The following PAK3 variants were observed in gnomAD, a reference collection of about 807,000 sequenced individuals.
PAK3 encodes p21 (RAC1) activated kinase 3, also known as serine/threonine-protein kinase PAK 3.
PAK3 carries 4 observed loss-of-function variants against 41.0 expected under a neutral mutation model. The ratio of observed to expected loss-of-function variants is 0.10; its 90% CI spans 0.05 to 0.22. The LOEUF is 0.22. Ranked by LOEUF, PAK3 falls within the 10% of genes least tolerant of loss-of-function variation. The probability of loss-of-function intolerance (pLI) is 1.00; values close to 1 mark genes in which losing one functional copy is unlikely to be tolerated. For missense variants in PAK3, 205 were observed against 409.9 expected, an observed-to-expected ratio of 0.50 and a Z score of 4.32; for synonymous variants, 146 against 139.6, an observed-to-expected ratio of 1.05 and a Z score of -0.32.
chrX:111,037,289 T>C (rs1423344339), intron 1 of PAK3, among the ~76,000 whole-genome samples: 1 of 111,906 alleles, frequency 8.9e-6, no homozygotes, highest in African/African-American at 3.2e-5. Flanking sequence ...TCTTTATATA[T>C]GAAGGCCATC....
intron 10 of PAK3, among the ~76,000 whole-genome samples, chrX:111,172,777 GTTA>G (rs748046022): frequency 9.0e-6 from 1 of 110,634 alleles, no homozygotes; most frequent in South Asian, 3.8e-4. Context: ...AGCAAAATGG[GTTA>G]TTATTACTAC....
intron 1 of PAK3, among the ~76,000 whole-genome samples, chrX:110,947,265 C>G (rs191330167): frequency 8.9e-6 from 1 of 111,961 alleles, no homozygotes; most frequent in Non-Finnish European, 1.9e-5. Flanking sequence ...CTTCTTTCCT[C>G]GTCTGGACAA....
chrX:111,165,393 A>T (rs147325335), intron 10 of PAK3, among the ~76,000 whole-genome samples: 9,524 of 111,430 alleles, frequency 0.085, 730 homozygotes, highest in African/African-American at 0.25. Context: ...CTTGCAGCTG[A>T]TTCTAATATC....
intron 4 of PAK3, among the ~76,000 whole-genome samples, chrX:111,109,546 C>T (rs1219223159): frequency 8.9e-6 from 1 of 111,886 alleles, no homozygotes; most frequent in Non-Finnish European, 1.9e-5. Flanking sequence ...GAAATGTGTC[C>T]TGTTCATTTA....
rs750647788 is a variant in PAK3 at position 111,194,916 on chromosome X, C to T, written c.1110+498C>T. 8.9e-5 allele frequency among the ~76,000 whole-genome samples: 10 copies of T among 112,479 alleles called. No individual in the cohort carries two copies. The South Asian group carries it at 3.0e-3, about 33-fold the overall frequency. On this transcript the variant is annotated intron_variant, in intron 14 of 17. Coordinates refer to ENST00000372007, the MANE Select transcript of PAK3 (RefSeq NM_002578.5). ...ACTTCCCTTACAGCCCCCAAGTGGG[C>T]CTGACGGTCTGTCTCTTTTCCAGTA...
intron 1 of PAK3, among the ~76,000 whole-genome samples, chrX:111,058,209 G>T (rs1322728217): frequency 8.9e-6 from 1 of 111,769 alleles, no homozygotes; most frequent in Non-Finnish European, 1.9e-5. Flanking sequence ...GAGTGAAATT[G>T]TTCAGTCATA....
chrX:111,158,655 A>G, intron 8 of PAK3, among the ~76,000 whole-genome samples: 1 of 112,309 alleles, frequency 8.9e-6, no homozygotes. Context: ...ATGGCAGGAT[A>G]GTGTTTGGTC....
At chrX:111,166,049 G>C (rs1298103432) in intron 10 of PAK3, among the ~76,000 whole-genome samples, 2 of 110,486 alleles carry the variant, frequency 1.8e-5, no homozygotes, top group African/African-American at 6.6e-5. Flanking sequence ...GGCCACTTGT[G>C]ACTGCCAACC....
intron 1 of PAK3, among the ~76,000 whole-genome samples, chrX:111,046,425 A>G (rs2092499204): frequency 8.9e-6 from 1 of 111,738 alleles, no homozygotes; most frequent in Non-Finnish European, 1.9e-5. Context: ...ACCCCCCTGT[A>G]AAATGGCCAC....
At chrX:111,174,377 A>C (rs983156945) in intron 11 of PAK3, among the ~76,000 whole-genome samples, 1 of 111,248 alleles carries the variant, frequency 9.0e-6, no homozygotes, top group African/African-American at 3.3e-5. Flanking sequence ...TAAGGGGGAC[A>C]GAAACTCAGG....
upstream of PAK3, among the ~76,000 whole-genome samples, chrX:111,095,995 T>A (rs1177660121): frequency 9.0e-6 from 1 of 111,034 alleles, no homozygotes; most frequent in Admixed American, 9.5e-5. Context: ...TCCCTTTCCC[T>A]CTCCATGTTC....
chrX:111,216,686 G>A (rs2094882756), intron 17 of PAK3, 128 bp downstream of exon 17: 2 of 599,585 alleles, frequency 3.3e-6, no homozygotes, highest in South Asian at 2.5e-5. Context: ...TAGACCACAG[G>A]CACATAACTA....
intron 1 of PAK3, among the ~76,000 whole-genome samples, chrX:111,080,790 G>A (rs2092828082): frequency 8.9e-6 from 1 of 112,054 alleles, no homozygotes; most frequent in South Asian, 3.8e-4. Flanking sequence ...TTCCCATTAT[G>A]TGCAGCATTA....
chrX:111,009,845 C>T lies in PAK3; in HGVS notation c.-28+65217C>T, dbSNP rs746885794. Among the ~76,000 whole-genome samples the T allele has an allele frequency of 7.1e-5, 8 of 112,232 alleles. No homozygotes were observed. In the East Asian group the frequency reaches 2.3e-3, roughly 32 times the overall value. On this transcript the variant is annotated intron_variant, in intron 1 of 14. Coordinates refer to the PAK3 transcript ENST00000425146. Reference sequence around the variant, plus strand: ...CCTTACAATGACTCTAGGGGCCAGGCATTGTTAATATCTACTTTTAATAGA... The same window carrying T: ...CCTTACAATGACTCTAGGGGCCAGGTATTGTTAATATCTACTTTTAATAGA...
At chrX:111,178,990 G>GAT (rs199990531) in intron 11 of PAK3, among the ~76,000 whole-genome samples, 4,853 of 92,691 alleles carry the variant, frequency 0.052, 363 homozygotes, top group African/African-American at 0.18. Context: ...TAGAGAGAGA[G>GAT]ATATCTGTAT....
At chrX:111,057,557 C>G (rs1181265913) in intron 1 of PAK3, among the ~76,000 whole-genome samples, 3 of 111,757 alleles carry the variant, frequency 2.7e-5, no homozygotes, top group African/African-American at 9.8e-5. Flanking sequence ...ATTTCCTAAT[C>G]CTTATATCAT....
chrX:111,051,871 A>G (rs1414175141), intron 1 of PAK3, among the ~76,000 whole-genome samples: 1 of 112,568 alleles, frequency 8.9e-6, no homozygotes, highest in Non-Finnish European at 1.9e-5. Context: ...TTAAGTACCA[A>G]ATCTCAAATT....
At chrX:111,060,312 G>A (rs1410527504) in intron 1 of PAK3, among the ~76,000 whole-genome samples, 3 of 111,439 alleles carry the variant, frequency 2.7e-5, no homozygotes, top group Non-Finnish European at 5.7e-5. Flanking sequence ...CTTTTTATAA[G>A]CTGCAGGATT....
At chrX:111,038,328 T>A (rs184296899) in intron 1 of PAK3, among the ~76,000 whole-genome samples, 1 of 112,226 alleles carries the variant, frequency 8.9e-6, no homozygotes, top group Non-Finnish European at 1.9e-5. Context: ...TTTGGAGAAG[T>A]TCCTTTTCTT....
Sources: gnomAD v4.1 joint callset for allele counts (sites outside exome capture counted in the v4.1 genomes callset) on GRCh38, gnomAD v4.1.1 for gene constraint, MANE v1.5 for transcripts, NCBI Gene and HGNC (gene_info 2026-07-23, HGNC 2026-07-21) for gene names.